Variants in CLEC16A observed in about 807,000 individuals in gnomAD.
CLEC16A encodes the protein protein CLEC16A.
A neutral mutation model predicts 109.5 loss-of-function variants in CLEC16A; 51 were observed. That is an observed-to-expected ratio of 0.47 (90% CI 0.37 to 0.59). The LOEUF is 0.59. CLEC16A is among the 20% of genes least tolerant of loss of function. The pLI, the probability that CLEC16A is intolerant of heterozygous loss-of-function variation, is 0.00. For synonymous variants in CLEC16A, 673 were observed against 564.2 expected (o/e 1.19, Z -2.73); for missense variants, 1,339 against 1,394.0 (o/e 0.96, Z 0.63).
intron 10 of CLEC16A, among the ~76,000 whole-genome samples, chr16:10,986,947 G>T (rs1242544449): frequency 6.6e-6 from 1 of 151,828 alleles, no homozygotes; most frequent in Non-Finnish European, 1.5e-5. Context: ...TCTGTCTCCA[G>T]GGTTCAAGTG....
intron 11 of CLEC16A, among the ~76,000 whole-genome samples, chr16:11,006,605 T>C (rs1457660586): frequency 6.6e-6 from 1 of 152,216 alleles, no homozygotes; most frequent in Non-Finnish European, 1.5e-5. Flanking sequence ...AGTGAAATTT[T>C]GACTTTAAAA....
intron 19 of CLEC16A, among the ~76,000 whole-genome samples, chr16:11,082,279 G>A (rs537691218): frequency 5.3e-5 from 8 of 152,324 alleles, no homozygotes; most frequent in South Asian, 4.1e-4. Context: ...AGATCTGCTC[G>A]TGGACAGTTT....
chr16:11,061,286 A>G (rs1488947825), intron 19 of CLEC16A, among the ~76,000 whole-genome samples: 1 of 152,070 alleles, frequency 6.6e-6, no homozygotes, highest in African/African-American at 2.4e-5. Context: ...TGGAGGCTCA[A>G]GCAAGGGTGA....
chr16:10,953,850 G>A (rs1325733480), intron 1 of CLEC16A, among the ~76,000 whole-genome samples: 3 of 152,058 alleles, frequency 2.0e-5, no homozygotes, highest in East Asian at 1.9e-4. Context: ...GCTGGCGGGC[G>A]CCTGTAGTCC....
intron 22 of CLEC16A, among the ~76,000 whole-genome samples, chr16:11,142,095 A>T (rs770973808): frequency 1.3e-5 from 2 of 152,122 alleles, no homozygotes; most frequent in Non-Finnish European, 2.9e-5. Flanking sequence ...CACAGCAGGG[A>T]GGCAGGTATG....
chr16:11,154,155 G>C (rs1459541503), intron 22 of CLEC16A, among the ~76,000 whole-genome samples: 1 of 152,226 alleles, frequency 6.6e-6, no homozygotes, highest in Admixed American at 6.5e-5. Context: ...TTATTTGTTT[G>C]AATACACTGC....
intron 22 of CLEC16A, among the ~76,000 whole-genome samples, chr16:11,140,883 G>A (rs1014831817): frequency 2.0e-5 from 3 of 152,246 alleles, no homozygotes; most frequent in African/African-American, 7.2e-5. Context: ...GTTCTGTGAA[G>A]CTCCTGAGCC....
At chr16:11,016,219 G>A (rs2045736818) in intron 11 of CLEC16A, among the ~76,000 whole-genome samples, 1 of 149,504 alleles carries the variant, frequency 6.7e-6, no homozygotes, top group Non-Finnish European at 1.5e-5. Context: ...CCACTTTGGA[G>A]ATGGCCAAGG....
At chr16:11,013,724 A>G (rs1255079562) in intron 11 of CLEC16A, among the ~76,000 whole-genome samples, 16 of 152,064 alleles carry the variant, frequency 1.1e-4, no homozygotes, top group Non-Finnish European at 1.3e-4. Flanking sequence ...ACGCCACCGC[A>G]CTCCAGCCTA....
At chr16:10,983,482 T>C (rs544892283) in intron 10 of CLEC16A, among the ~76,000 whole-genome samples, 52 of 152,314 alleles carry the variant, frequency 3.4e-4, no homozygotes, top group African/African-American at 9.9e-4. Flanking sequence ...ACTAGGTTTT[T>C]TCATGTTTCT....
intron 11 of CLEC16A, among the ~76,000 whole-genome samples, chr16:11,008,487 G>C (rs376912402): frequency 6.6e-6 from 1 of 152,158 alleles, no homozygotes; most frequent in African/African-American, 2.4e-5. Flanking sequence ...GTCATTTAGA[G>C]AGGCAGAAGT....
chr16:10,964,542 T>G (rs2042409434), intron 3 of CLEC16A, among the ~76,000 whole-genome samples: 1 of 152,106 alleles, frequency 6.6e-6, no homozygotes, highest in South Asian at 2.1e-4. Context: ...GAGCAGGTGT[T>G]CAGAGCGAGG....
chr16:11,059,749 G>T (rs2048384473), intron 18 of CLEC16A, among the ~76,000 whole-genome samples: 1 of 152,192 alleles, frequency 6.6e-6, no homozygotes. Flanking sequence ...CACTGTGCTG[G>T]CTGCTTTCCC....
At chr16:11,093,015 T>C (rs1400822038) in intron 19 of CLEC16A, among the ~76,000 whole-genome samples, 1 of 152,184 alleles carries the variant, frequency 6.6e-6, no homozygotes, top group African/African-American at 2.4e-5. Flanking sequence ...GGAGCTGGGA[T>C]GAGGAGCATC....
intron 19 of CLEC16A, among the ~76,000 whole-genome samples, chr16:11,063,753 C>A (rs1200497955): frequency 1.3e-5 from 2 of 152,112 alleles, no homozygotes; most frequent in South Asian, 4.2e-4. Flanking sequence ...TCATGGGGAG[C>A]ATTAAAGATG....
chr16:10,972,291 C>G (rs2042828845), intron 5 of CLEC16A, among the ~76,000 whole-genome samples: 1 of 152,242 alleles, frequency 6.6e-6, no homozygotes, highest in African/African-American at 2.4e-5. Context: ...CCCGTGCTCC[C>G]AGGTCACACG....
At chr16:11,034,012 C>G (rs1192943881) in intron 13 of CLEC16A, among the ~76,000 whole-genome samples, 2 of 152,138 alleles carry the variant, frequency 1.3e-5, no homozygotes, top group African/African-American at 4.8e-5. Context: ...TCCTGCCACT[C>G]CATTTGTCAT....
chr16:11,133,375 G>C (rs1419303286), intron 22 of CLEC16A, among the ~76,000 whole-genome samples: 1 of 151,754 alleles, frequency 6.6e-6, no homozygotes. Context: ...ACTCTCCTGA[G>C]TATCTGGGCC....
At chr16:11,137,197 T>TC (rs925450450) in intron 22 of CLEC16A, among the ~76,000 whole-genome samples, 3 of 152,084 alleles carry the variant, frequency 2.0e-5, no homozygotes, top group Non-Finnish European at 4.4e-5. Flanking sequence ...GTGTTTTTTT[T>TC]CTTTGCTTCT....
Sources: allele counts gnomAD v4.1 joint callset (sites outside exome capture counted in the v4.1 genomes callset), GRCh38; gene constraint gnomAD v4.1.1; transcripts MANE v1.5; gene names NCBI Gene and HGNC (gene_info 2026-07-23, HGNC 2026-07-21).